CDH10: variants seen among roughly 807,000 people sequenced by gnomAD.
The protein encoded by CDH10 is cadherin-10.
A neutral mutation model predicts 73.1 loss-of-function variants in CDH10; 30 were observed. That is an observed-to-expected ratio of 0.41 (90% confidence interval 0.31 to 0.56). CDH10 has a LOEUF of 0.56. Ranked by LOEUF, CDH10 falls within the 20% of genes least tolerant of loss-of-function variation. The pLI is 0.27. For missense variants in CDH10, 815 were observed against 973.7 expected (o/e 0.84, Z 2.17); for synonymous variants, 345 against 348.2 (o/e 0.99, Z 0.10).
intron 5 of CDH10, among the ~76,000 whole-genome samples, chr5:24,522,795 C>A (rs16893479): frequency 0.015 from 2,217 of 152,172 alleles, 53 homozygotes; most frequent in African/African-American, 0.047. Flanking sequence ...CCTTTTTTCT[C>A]TTTGACCTTT....
chr5:24,489,493 G>A (rs1741971170), intron 11 of CDH10, among the ~76,000 whole-genome samples: 2 of 152,054 alleles, frequency 1.3e-5, no homozygotes, highest in Admixed American at 1.3e-4. Flanking sequence ...ATATATTTAT[G>A]CACATGAAAA....
chr5:24,541,311 C>T (rs539598276), intron 2 of CDH10, among the ~76,000 whole-genome samples: 1 of 152,004 alleles, frequency 6.6e-6, no homozygotes, highest in East Asian at 1.9e-4. Flanking sequence ...TCTTATTCTG[C>T]ATAATTTTTC....
chr5:24,594,758 A>G (rs1746314328), intron 1 of CDH10, among the ~76,000 whole-genome samples: 1 of 151,862 alleles, frequency 6.6e-6, no homozygotes, highest in African/African-American at 2.4e-5. Context: ...CACCCCTGAC[A>G]TTTCATATAT....
At chr5:24,616,331 G>A (rs16893663) in intron 1 of CDH10, among the ~76,000 whole-genome samples, 6 of 152,140 alleles carry the variant, frequency 3.9e-5, no homozygotes, top group African/African-American at 1.2e-4. Context: ...TTTCCGCAAC[G>A]AATTTGGATT....
chr5:24,555,512 A>G (rs1744734366), intron 2 of CDH10, among the ~76,000 whole-genome samples: 2 of 152,260 alleles, frequency 1.3e-5, no homozygotes, highest in Admixed American at 6.5e-5. Context: ...TCATGCTAGT[A>G]TCAGTTTCTC....
At chr5:24,506,647 A>G (rs1455745866) in intron 7 of CDH10, among the ~76,000 whole-genome samples, 1 of 152,190 alleles carries the variant, frequency 6.6e-6, no homozygotes, top group Non-Finnish European at 1.5e-5. Flanking sequence ...TATCATCCTG[A>G]GTCTTCTTTT....
intron 1 of CDH10, among the ~76,000 whole-genome samples, chr5:24,637,539 G>T (rs983862969): frequency 6.6e-6 from 1 of 151,770 alleles, no homozygotes; most frequent in African/African-American, 2.4e-5. Context: ...GACAAAATTT[G>T]TACTAAATTC....
intron 2 of CDH10, among the ~76,000 whole-genome samples, chr5:24,545,963 C>T (rs1392024926): frequency 6.6e-6 from 1 of 152,116 alleles, no homozygotes; most frequent in Non-Finnish European, 1.5e-5. Context: ...TCTAAGCCTT[C>T]TAAAGGTGCT....
chr5:24,513,294 C>T (rs1742989154), intron 5 of CDH10, among the ~76,000 whole-genome samples: 1 of 152,172 alleles, frequency 6.6e-6, no homozygotes, highest in Non-Finnish European at 1.5e-5. Flanking sequence ...GCTGGGATTA[C>T]AGGCATGAGC....
intron 2 of CDH10, among the ~76,000 whole-genome samples, chr5:24,587,014 T>C (rs932794309): frequency 6.6e-6 from 1 of 151,198 alleles, no homozygotes; most frequent in African/African-American, 2.4e-5. Flanking sequence ...CCGGCTAATT[T>C]TTTGTAATTT....
chr5:24,583,362 T>C (rs573936748), intron 2 of CDH10, among the ~76,000 whole-genome samples: 2 of 152,224 alleles, frequency 1.3e-5, no homozygotes, highest in Admixed American at 6.5e-5. Flanking sequence ...AAACTAGGGA[T>C]ATCTGAGGAT....
At chr5:24,535,327 T>C (rs765638780) in intron 4 of CDH10, 48 bp from the exon 5 acceptor site, 4 of 1,521,250 alleles carry the variant, frequency 2.6e-6, no homozygotes, top group Non-Finnish European at 3.6e-6. Context: ...GAAATCTCCA[T>C]TGTTATTTTA....
intron 5 of CDH10, among the ~76,000 whole-genome samples, chr5:24,517,619 C>A (rs1361415318): frequency 1.3e-5 from 2 of 151,976 alleles, no homozygotes; most frequent in African/African-American, 4.8e-5. Flanking sequence ...AGTTCAATAT[C>A]TTAGTGACAA....
chr5:24,520,279 T>C (rs10755286), intron 5 of CDH10, among the ~76,000 whole-genome samples: 71,035 of 151,902 alleles, frequency 0.47, 16,680 homozygotes, highest in East Asian at 0.58. Context: ...CACATCTCAA[T>C]GTAATATAAA....
chr5:24,565,754 C>A (rs2112005178), intron 2 of CDH10, among the ~76,000 whole-genome samples: 1 of 151,920 alleles, frequency 6.6e-6, no homozygotes, highest in African/African-American at 2.4e-5. Context: ...GTCTCTATCT[C>A]TCTCTTTCAC....
intron 1 of CDH10, among the ~76,000 whole-genome samples, chr5:24,637,578 G>A (rs1018796045): frequency 1.3e-5 from 2 of 151,720 alleles, no homozygotes; most frequent in Admixed American, 6.6e-5. Context: ...GTGACAGAAG[G>A]GAATGCGTCA....
chr5:24,509,534 C>T (rs62349562), intron 7 of CDH10, 32 bp downstream of exon 7: 230,733 of 1,606,214 alleles, frequency 0.14, 17,941 homozygotes, highest in Admixed American at 0.22. Context: ...CCACCGAGCC[C>T]GGCTGTTTTC....
chr5:24,593,218 A>G, intron 2 of CDH10, 42 bp downstream of exon 2: 1 of 1,099,416 alleles, frequency 9.1e-7, no homozygotes, highest in East Asian at 2.4e-5. Flanking sequence ...TAAAATATAT[A>G]AAGAGCAAAT....
chr5:24,548,089 C>G (rs1744406302), intron 2 of CDH10, among the ~76,000 whole-genome samples: 3 of 152,150 alleles, frequency 2.0e-5, no homozygotes, highest in Non-Finnish European at 4.4e-5. Flanking sequence ...CAGAAATCCA[C>G]AGACTAGGCC....
Sources: allele counts gnomAD v4.1 joint callset (sites outside exome capture counted in the v4.1 genomes callset), GRCh38; gene constraint gnomAD v4.1.1; transcripts MANE v1.5; gene names NCBI Gene and HGNC (gene_info 2026-07-23, HGNC 2026-07-21).